CARMIL1: variants seen among roughly 807,000 people sequenced by gnomAD.
CARMIL1 encodes capping protein regulator and myosin 1 linker 1.
A neutral mutation model predicts 177.1 loss-of-function variants in CARMIL1; 90 were observed. The observed-to-expected ratio is 0.51, with a 90% CI of 0.43 to 0.61. CARMIL1 has a LOEUF of 0.61. Ranked by LOEUF, CARMIL1 falls within the 20% of genes least tolerant of loss-of-function variation. The probability of loss-of-function intolerance (pLI) is 0.00; values close to 1 mark genes in which losing one functional copy is unlikely to be tolerated. For synonymous variants in CARMIL1, 577 were observed against 606.2 expected (o/e 0.95, Z 0.71); for missense variants, 1,380 against 1,667.0 (o/e 0.83, Z 3.00).
intron 2 of CARMIL1, among the ~76,000 whole-genome samples, chr6:25,296,432 A>G (rs1782369800): frequency 6.6e-6 from 1 of 152,088 alleles, no homozygotes; most frequent in African/African-American, 2.4e-5. Flanking sequence ...CTTTTCTTTC[A>G]AGCCTGGCAG....
At chr6:25,366,736 A>T (rs919365070) in intron 2 of CARMIL1, among the ~76,000 whole-genome samples, 1 of 151,982 alleles carries the variant, frequency 6.6e-6, no homozygotes, top group South Asian at 2.1e-4. Flanking sequence ...ACAGGACACA[A>T]GAGAATAATC....
At chr6:25,386,232 G>A (rs1233046114) in intron 2 of CARMIL1, among the ~76,000 whole-genome samples, 1 of 152,292 alleles carries the variant, frequency 6.6e-6, no homozygotes, top group East Asian at 1.9e-4. Context: ...AATTAATTTT[G>A]TTGTTTATAA....
At position 25,509,694 on chromosome 6, in the gene CARMIL1, T is replaced by C. The variant is rs1159354274; in HGVS notation, c.1434T>C (p.Ile478=). 4 of 1,603,940 alleles carry C rather than the reference T, an allele frequency of 2.5e-6. No individual in the cohort carries two copies. The change falls in exon 18 of 37, where the codon ATT becomes ATC. Residue 478 remains isoleucine, a synonymous_variant. Transcript: ENST00000329474. This position sits in a 1 kb window ranked among gnomAD's most constrained non-coding sequence, Gnocchi z 4.1. The stretch of plus-strand genomic sequence containing the variant: ...GTGCTCAAGTATTAGAAGGTTGCAT[T>C]GCTGAAATACACAACATCACCAGCT... The part of the protein sequence containing the change: ...SGGAQVLEGC[I]AEIHNITSLD...
chr6:25,491,663 C>T, intron 13 of CARMIL1, 69 bp from the exon 14 acceptor site: 1 of 973,384 alleles, frequency 1.0e-6, no homozygotes, highest in Non-Finnish European at 1.5e-6. Flanking sequence ...CCTTTTAAAA[C>T]ATTAACTTGC....
chr6:25,284,000 G>T (rs1342964388), intron 1 of CARMIL1, among the ~76,000 whole-genome samples: 1 of 152,070 alleles, frequency 6.6e-6, no homozygotes, highest in Admixed American at 6.5e-5. Context: ...TTACAGACGT[G>T]AGCCAACGTG....
chr6:25,455,957 C>T (rs982944385), intron 8 of CARMIL1, among the ~76,000 whole-genome samples: 3 of 152,176 alleles, frequency 2.0e-5, no homozygotes, highest in African/African-American at 7.2e-5. Context: ...GGTATGGTGA[C>T]AGGGCAGTGC....
At chr6:25,616,609 G>T (rs556870684) in intron 36 of CARMIL1, among the ~76,000 whole-genome samples, 1 of 151,984 alleles carries the variant, frequency 6.6e-6, no homozygotes, top group Non-Finnish European at 1.5e-5. Flanking sequence ...ATACATACAC[G>T]CATACATACA....
Position 25,279,541 on chromosome 6 carries a change from A to C in CARMIL1, c.-255A>C. 1 of 562,166 alleles carries C rather than the reference A, an allele frequency of 1.8e-6. No individual in the cohort carries two copies. Among genetic ancestry groups the C allele is most frequent in the Non-Finnish European group, 3.2e-6 (1 of 313,884 alleles). 34.8% of individuals were successfully genotyped at this position (562,166 alleles called of 1,614,324 possible). A position where few individuals can be genotyped will look rare whatever the true frequency, so the allele number is the denominator to read the frequency against. ...CCGCTTGTAATCCGGTCCGCTCCTT[A>C]TTCAGCCGCCGGGAACTGCGAGGAG... On this transcript the variant is annotated 5_prime_UTR_variant, in exon 1 of 37. Coordinates refer to ENST00000329474, the MANE Select transcript of CARMIL1 (RefSeq NM_017640.6).
intron 2 of CARMIL1, among the ~76,000 whole-genome samples, chr6:25,310,095 T>TAATA (rs771173026): frequency 6.6e-6 from 1 of 152,148 alleles, no homozygotes; most frequent in Non-Finnish European, 1.5e-5. Context: ...ATTCCTTCAC[T>TAATA]AATAGATTGT....
At chr6:25,435,191 A>G (rs980621593) in intron 4 of CARMIL1, among the ~76,000 whole-genome samples, 25 of 152,190 alleles carry the variant, frequency 1.6e-4, no homozygotes, top group Admixed American at 1.3e-3. Flanking sequence ...GTTTCTGACA[A>G]TACTTCCACC....
intron 29 of CARMIL1, among the ~76,000 whole-genome samples, chr6:25,574,822 C>T (rs1199435339): frequency 6.6e-6 from 1 of 152,090 alleles, no homozygotes; most frequent in Non-Finnish European, 1.5e-5. Flanking sequence ...TATTCCTCTA[C>T]TGATTGGCTT....
At chr6:25,441,619 T>G (rs1173175792) in intron 5 of CARMIL1, among the ~76,000 whole-genome samples, 2 of 151,904 alleles carry the variant, frequency 1.3e-5, no homozygotes, top group Admixed American at 6.6e-5. Context: ...AGAAGAAAAT[T>G]TAAGTTAAAT....
intron 35 of CARMIL1, among the ~76,000 whole-genome samples, chr6:25,607,971 G>C (rs555406135): frequency 4.1e-4 from 63 of 152,222 alleles, no homozygotes; most frequent in African/African-American, 1.5e-3. Flanking sequence ...AAAATTTCTT[G>C]GTCCATACAC....
In CARMIL1 at chr6:25,515,435, T is replaced by C. The variant is rs1805885939; in HGVS notation, c.1633-240T>C. Among the ~76,000 whole-genome samples, 1 of 152,172 alleles carries C rather than the reference T, an allele frequency of 6.6e-6. No individual in the cohort carries two copies. The highest frequency in any genetic ancestry group is 2.4e-5 in the African/African-American group (1 of 41,434). On this transcript the variant is annotated intron_variant, in intron 20 of 36. Transcript: ENST00000329474. This position sits in a 1 kb window ranked among gnomAD's most constrained non-coding sequence, Gnocchi z 5.0. ...TCAGCCTGCATGTCTTTCCCTGGCT[T>C]CCCTTAAAAGAGAAGTGGTAGGTAT...
intron 2 of CARMIL1, among the ~76,000 whole-genome samples, chr6:25,344,218 A>G: frequency 6.6e-6 from 1 of 152,096 alleles, no homozygotes; most frequent in East Asian, 1.9e-4. Context: ...CGCAAGCCTC[A>G]TGTGGTACCT....
At chr6:25,495,760 G>T (rs978557844) in intron 16 of CARMIL1, among the ~76,000 whole-genome samples, 2 of 152,134 alleles carry the variant, frequency 1.3e-5, no homozygotes, top group African/African-American at 4.8e-5. Context: ...AGGTATAGTG[G>T]TGAAGTTAAA....
chr6:25,353,006 TCTC>T (rs1788257378), intron 2 of CARMIL1, among the ~76,000 whole-genome samples: 1 of 152,108 alleles, frequency 6.6e-6, no homozygotes, highest in South Asian at 2.1e-4. Context: ...CTGTGTGTCT[TCTC>T]CTGCCGCCCT....
At chr6:25,502,073 A>G (rs1804432953) in intron 17 of CARMIL1, among the ~76,000 whole-genome samples, 1 of 151,702 alleles carries the variant, frequency 6.6e-6, no homozygotes, top group African/African-American at 2.4e-5. Flanking sequence ...ATGCAGATTA[A>G]TGATCTTTCA....
intron 2 of CARMIL1, among the ~76,000 whole-genome samples, chr6:25,291,821 A>G (rs1781995362): frequency 6.6e-6 from 1 of 152,194 alleles, no homozygotes; most frequent in Non-Finnish European, 1.5e-5. Context: ...GTTGCATGGA[A>G]TAGAGAGACT....
Sources: gnomAD v4.1 joint callset for allele counts (sites outside exome capture counted in the v4.1 genomes callset) on GRCh38, gnomAD v4.1.1 for gene constraint, Gnocchi (gnomAD v3.1) non-coding constraint, MANE v1.5 for transcripts, NCBI Gene and HGNC (gene_info 2026-07-23, HGNC 2026-07-21) for gene names.